TMEM17: variants seen among roughly 807,000 people sequenced by gnomAD.
The protein encoded by TMEM17 is transmembrane protein 17.
In TMEM17, 15 loss-of-function variants were observed where a neutral mutation model predicts 19.1. The observed-to-expected ratio is 0.78, with a 90% confidence interval of 0.52 to 1.21. TMEM17 has a LOEUF of 1.21. Among genes scored for constraint, TMEM17 ranks in the 50% most tolerant of loss-of-function variants. TMEM17 has a pLI of 0.00. For synonymous variants in TMEM17, 103 were observed against 86.9 expected (o/e 1.19, Z -1.03); for missense variants, 245 against 242.3 (o/e 1.01, Z -0.07).
chr2:62,454,703 G>GTATT, the TMEM17 span, among the ~76,000 whole-genome samples: 1 of 152,018 alleles, frequency 6.6e-6, no homozygotes, highest in African/African-American at 2.4e-5. Context: ...ATTTATGTAT[G>GTATT]TATTTATTTA....
rs1421689113 is a variant in TMEM17 at position 62,506,039 on chromosome 2, C to T, written c.91G>A (p.Glu31Lys). 2 of 1,610,480 alleles carry T rather than the reference C, an allele frequency of 1.2e-6. No homozygotes were observed. The highest frequency in any genetic ancestry group is 1.7e-6 in the Non-Finnish European group (2 of 1,178,600). Reference protein sequence around the residue: ...DSNRTGPESNEGPENEMVSSL... With the variant: ...DSNRTGPESNKGPENEMVSSL... Reference sequence around the variant, plus strand: ...GGCCTCGGTCACTCACCCGGACCCTCATTGGACTCTGGACCGGTCCGATTG... The same window carrying T: ...GGCCTCGGTCACTCACCCGGACCCTTATTGGACTCTGGACCGGTCCGATTG... The change falls in exon 1 of 4, where the codon GAG becomes AAG. Residue 31 changes from glutamate to lysine, a missense_variant. Physicochemically the swap from Glu to Lys is moderately conservative, Grantham distance 56. Transcript: ENST00000335390.
At chr2:62,465,639 T>C in the TMEM17 span, among the ~76,000 whole-genome samples, 1 of 151,464 alleles carries the variant, frequency 6.6e-6, no homozygotes, top group Non-Finnish European at 1.5e-5. Flanking sequence ...GTAAAAGAGA[T>C]GACACATATA....
the TMEM17 span, among the ~76,000 whole-genome samples, chr2:62,485,972 T>C: frequency 7.7e-4 from 117 of 152,336 alleles, no homozygotes; most frequent in South Asian, 4.1e-3. Flanking sequence ...TGCTTTTTTT[T>C]CCCCCATTTC....
the TMEM17 span, among the ~76,000 whole-genome samples, chr2:62,469,918 C>A: frequency 6.6e-6 from 1 of 152,230 alleles, no homozygotes; most frequent in Non-Finnish European, 1.5e-5. Flanking sequence ...TCTTTCCTTT[C>A]CGCAGTCCCT....
chr2:62,475,722 G>C, the TMEM17 span, among the ~76,000 whole-genome samples: 2 of 152,246 alleles, frequency 1.3e-5, no homozygotes, highest in East Asian at 3.9e-4. Context: ...TTGAATGCCA[G>C]TGTCGGGCTC....
chr2:62,488,066 A>G, the TMEM17 span, among the ~76,000 whole-genome samples: 5 of 152,196 alleles, frequency 3.3e-5, no homozygotes, highest in Non-Finnish European at 7.3e-5. Flanking sequence ...TTTCGAGGCT[A>G]TTGCTCTAGA....
In TMEM17 at chr2:62,502,468, T is replaced by C; in HGVS notation, c.287A>G (p.Tyr96Cys). ...LITLIEAIRL[Y>C]LGYVGNLQEK... ...CTGTAGGTTACCCACGTAGCCCAGA[T>C]ACAACCGGATGGCTTCAATTAAGGT... Residue 96 changes from tyrosine to cysteine, a missense_variant, in exon 3 of 4, where the codon TAT becomes TGT. Physicochemically the swap from Tyr to Cys is radical, Grantham distance 194. Transcript: ENST00000335390. The C allele has an allele frequency of 6.2e-7, 1 of 1,612,704 alleles. No individual in the cohort carries two copies. The highest frequency in any genetic ancestry group is 2.2e-5 in the East Asian group (1 of 44,852).
the TMEM17 span, among the ~76,000 whole-genome samples, chr2:62,461,197 G>A: frequency 6.6e-6 from 1 of 152,284 alleles, no homozygotes; most frequent in East Asian, 1.9e-4. Context: ...TGCTTTTAGG[G>A]TTCAGGTCCT....
At chr2:62,455,309 T>C in the TMEM17 span, among the ~76,000 whole-genome samples, 1 of 152,254 alleles carries the variant, frequency 6.6e-6, no homozygotes, top group East Asian at 1.9e-4. Context: ...TGTTCCTTTA[T>C]ATTGCTGAGT....
the TMEM17 span, among the ~76,000 whole-genome samples, chr2:62,471,650 G>A: frequency 6.6e-6 from 1 of 152,236 alleles, no homozygotes; most frequent in Admixed American, 6.5e-5. Flanking sequence ...TATCCTGAAG[G>A]AGTGCTGGGG....
At chr2:62,503,803 A>G (rs1049682280) in intron 1 of TMEM17, among the ~76,000 whole-genome samples, 29 of 152,234 alleles carry the variant, frequency 1.9e-4, no homozygotes, top group African/African-American at 6.5e-4. Context: ...TCAAATACAC[A>G]TAAGAATGAA....
downstream of TMEM17, among the ~76,000 whole-genome samples, chr2:62,497,260 C>T (rs1409709399): frequency 6.6e-6 from 1 of 152,178 alleles, no homozygotes; most frequent in Non-Finnish European, 1.5e-5. Context: ...TTCACATTGT[C>T]TTCAAAGAGA....
At chr2:62,468,676 A>G in the TMEM17 span, among the ~76,000 whole-genome samples, 1 of 152,240 alleles carries the variant, frequency 6.6e-6, no homozygotes, top group African/African-American at 2.4e-5. Flanking sequence ...CCAGACTGCA[A>G]GACCCTTATG....
the TMEM17 span, among the ~76,000 whole-genome samples, chr2:62,491,951 C>CA: frequency 6.9e-6 from 1 of 145,218 alleles, no homozygotes; most frequent in Non-Finnish European, 1.5e-5. Flanking sequence ...CTCCAAAAAA[C>CA]AAAAAACAGA....
At chr2:62,477,483 T>G in the TMEM17 span, among the ~76,000 whole-genome samples, 1 of 152,236 alleles carries the variant, frequency 6.6e-6, no homozygotes, top group Non-Finnish European at 1.5e-5. Flanking sequence ...GGCCCCTGTT[T>G]GAGGGTTACA....
At chr2:62,494,873 G>A in the TMEM17 span, among the ~76,000 whole-genome samples, 938 of 152,130 alleles carry the variant, frequency 6.2e-3, 8 homozygotes, top group African/African-American at 0.021. Flanking sequence ...AAAATTAACC[G>A]GGCATGGTGG....
chr2:62,472,596 C>A, the TMEM17 span, among the ~76,000 whole-genome samples: 1 of 152,148 alleles, frequency 6.6e-6, no homozygotes, highest in Non-Finnish European at 1.5e-5. Context: ...ACCCAAAATC[C>A]AAAACAGATG....
chr2:62,456,506 C>T, the TMEM17 span, among the ~76,000 whole-genome samples: 1 of 152,218 alleles, frequency 6.6e-6, no homozygotes, highest in Admixed American at 6.5e-5. Context: ...CATTTAAGAT[C>T]CATCTGAATA....
chr2:62,480,437 T>C, the TMEM17 span, among the ~76,000 whole-genome samples: 1 of 152,200 alleles, frequency 6.6e-6, no homozygotes, highest in Non-Finnish European at 1.5e-5. Context: ...CATTTGTTAC[T>C]TTTTACTTTG....
Sources: allele counts gnomAD v4.1 joint callset (sites outside exome capture counted in the v4.1 genomes callset), GRCh38; gene constraint gnomAD v4.1.1; transcripts MANE v1.5; gene names NCBI Gene and HGNC (gene_info 2026-07-23, HGNC 2026-07-21).